The following ME2 variants were observed in gnomAD, a reference collection of about 807,000 sequenced individuals.
The protein encoded by ME2 is NAD-dependent malic enzyme, mitochondrial.
ME2 carries 60 observed loss-of-function variants against 73.7 expected under a neutral mutation model. The observed-to-expected ratio is 0.81, with a 90% CI of 0.66 to 1.01. The LOEUF (loss-of-function observed/expected upper bound fraction) is 1.01. Among genes scored for constraint, ME2 ranks in the 50% least tolerant of loss-of-function variants. ME2 has a pLI of 0.00. For missense variants in ME2, 594 were observed against 705.5 expected (o/e 0.84, Z 1.79); for synonymous variants, 199 against 236.9 (o/e 0.84, Z 1.47).
chr18:50,888,715 T>C (rs1195838823), intron 1 of ME2, among the ~76,000 whole-genome samples: 3 of 152,206 alleles, frequency 2.0e-5, no homozygotes, highest in African/African-American at 7.2e-5. Context: ...ATATGATACA[T>C]ACTCTAATGC....
At chr18:50,912,320 A>C (rs546602070) in intron 3 of ME2, among the ~76,000 whole-genome samples, 7 of 152,276 alleles carry the variant, frequency 4.6e-5, no homozygotes, top group Admixed American at 4.6e-4. Flanking sequence ...ACCTTATAAT[A>C]CTTCTAACGC....
intron 13 of ME2, chr18:50,939,100 A>T (rs1222750250): frequency 6.6e-6 from 1 of 151,750 alleles, no homozygotes; most frequent in South Asian, 2.1e-4. Flanking sequence ...CAAAACAGAA[A>T]ATGCAAGATC....
chr18:50,943,289 A>G (rs559509382), intron 15 of ME2, among the ~76,000 whole-genome samples: 120 of 150,248 alleles, frequency 8.0e-4, no homozygotes, highest in African/African-American at 2.7e-3. Context: ...TGACTATTAA[A>G]TTTATTTATT....
chr18:50,920,907 A>G (rs1917410446), intron 9 of ME2, 149 bp downstream of exon 9: 1 of 745,450 alleles, frequency 1.3e-6, no homozygotes, highest in African/African-American at 1.8e-5. Context: ...GCTGTAAAAC[A>G]TGTAATTTAA....
Position 50,920,981 on chromosome 18 carries a change from A to G in ME2, c.943-93A>G, listed in dbSNP as rs575305341. ...GATTTGTAAGGGAAAAATAAACCAA[A>G]TATTTCTTATGGCATATAATCTTCA... is the stretch of plus-strand genomic sequence containing the variant. On this transcript the variant is annotated intron_variant, in intron 9 of 15. Transcript: ENST00000321341. 158 of 721,146 alleles carry G rather than the reference A, an allele frequency of 2.2e-4. 2 individuals are homozygous for G. In the African/African-American group the frequency reaches 2.7e-3, roughly 13 times the overall value. The allele number at this position is 721,146 out of a possible 1,614,324, so 44.7% of individuals were successfully genotyped here. A position where few individuals can be genotyped will look rare whatever the true frequency, so the allele number is the denominator to read the frequency against.
At chr18:50,893,313 A>G (rs1368996583) in intron 1 of ME2, among the ~76,000 whole-genome samples, 1 of 152,058 alleles carries the variant, frequency 6.6e-6, no homozygotes, top group Non-Finnish European at 1.5e-5. Flanking sequence ...AAACCTGAAC[A>G]CTTACTTTTC....
chr18:50,910,968 C>CA (rs1421975588), intron 3 of ME2, among the ~76,000 whole-genome samples: 1 of 152,168 alleles, frequency 6.6e-6, no homozygotes, highest in Non-Finnish European at 1.5e-5. Context: ...GTGAGGGCAT[C>CA]ATATGGCTAC....
chr18:50,884,291 C>T (rs1010439069), intron 1 of ME2, among the ~76,000 whole-genome samples: 1 of 152,016 alleles, frequency 6.6e-6, no homozygotes, highest in Non-Finnish European at 1.5e-5. Flanking sequence ...TCACAGTTTT[C>T]TATGAGGTAG....
chr18:50,898,655 A>G (rs1243743090), intron 2 of ME2, among the ~76,000 whole-genome samples: 1 of 151,516 alleles, frequency 6.6e-6, no homozygotes, highest in African/African-American at 2.4e-5. Flanking sequence ...CTGGTTTTGA[A>G]CTCCTGGGCT....
intron 8 of ME2, 27 bp downstream of exon 8, chr18:50,920,592 G>T: frequency 6.4e-7 from 1 of 1,568,312 alleles, no homozygotes; most frequent in African/African-American, 1.4e-5. Flanking sequence ...TCAGGGTTTT[G>T]ATTCCTACTT....
chr18:50,927,810 ATTTTT>A (rs545334028), intron 12 of ME2, among the ~76,000 whole-genome samples: 2 of 73,090 alleles, frequency 2.7e-5, no homozygotes, highest in South Asian at 1.2e-3. Context: ...TTGTCATTTA[ATTTTT>A]TTTTTTTTTT....
chr18:50,941,554 TAG>T (rs1917961238), intron 15 of ME2, among the ~76,000 whole-genome samples: 7 of 151,116 alleles, frequency 4.6e-5, no homozygotes, highest in Admixed American at 2.6e-4. Flanking sequence ...TTTGTATTTT[TAG>T]TAGAGACGGG....
intron 13 of ME2, among the ~76,000 whole-genome samples, chr18:50,936,804 G>T (rs1335563910): frequency 6.6e-6 from 1 of 152,030 alleles, no homozygotes; most frequent in African/African-American, 2.4e-5. Context: ...GGTGACATGT[G>T]CCTGTAGTCC....
chr18:50,889,295 T>C (rs1456617534), intron 1 of ME2, among the ~76,000 whole-genome samples: 1 of 152,062 alleles, frequency 6.6e-6, no homozygotes, highest in Non-Finnish European at 1.5e-5. Context: ...GATTAGAGGG[T>C]TAGAACTTTC....
In ME2 at chr18:50,946,196, A is replaced by T. The variant is rs80120417; in HGVS notation, c.1588-821A>T. 3.9e-3 allele frequency among the ~76,000 whole-genome samples: 598 copies of T among 152,304 alleles called. 9 individuals carry two copies. In the East Asian group the frequency reaches 0.055, roughly 14 times the overall value. On this transcript the variant is annotated intron_variant, in intron 15 of 15. Coordinates refer to ENST00000321341, the MANE Select transcript of ME2 (RefSeq NM_002396.5). ...GAGGTGCTGTGCTACCCTGTGAGGAAGTGTTTCACATTCCTCATTTTATAT... is the reference window on the plus strand; with the variant it reads ...GAGGTGCTGTGCTACCCTGTGAGGATGTGTTTCACATTCCTCATTTTATAT...
chr18:50,937,893 A>G lies in ME2; in HGVS notation c.1418-1677A>G, dbSNP rs553900331. Among the ~76,000 whole-genome samples the G allele has an allele frequency of 3.9e-5, 6 of 152,324 alleles. No individual in the cohort carries two copies. The South Asian group carries it at 1.2e-3, about 32-fold the overall frequency. Reference sequence around the variant, plus strand: ...GAAAAATGGAGGGAAGTGAATCCTCAAGACTTCATGAACATTTCCCAAAAC... The same window carrying G: ...GAAAAATGGAGGGAAGTGAATCCTCGAGACTTCATGAACATTTCCCAAAAC... On this transcript the variant is annotated intron_variant, in intron 13 of 15. Coordinates refer to ENST00000321341, the MANE Select transcript of ME2 (RefSeq NM_002396.5).
At chr18:50,926,409 CT>C (rs1231827951) in intron 12 of ME2, among the ~76,000 whole-genome samples, 2 of 152,062 alleles carry the variant, frequency 1.3e-5, no homozygotes, top group African/African-American at 4.8e-5. Context: ...TGTTTTCTGA[CT>C]TTTGTTTTCT....
At chr18:50,887,992 C>T (rs1916515007) in intron 1 of ME2, among the ~76,000 whole-genome samples, 2 of 152,048 alleles carry the variant, frequency 1.3e-5, no homozygotes, top group African/African-American at 4.8e-5. Flanking sequence ...GATGGAATAT[C>T]AGAAATAGAT....
rs1368084652 is a variant in ME2 at position 50,940,345 on chromosome 18, C to T, written c.1546C>T (p.Leu516Phe). The T allele has an allele frequency of 1.2e-6, 2 of 1,611,410 alleles. No individual in the cohort carries two copies. The highest frequency in any genetic ancestry group is 2.2e-5 in the South Asian group (2 of 90,142). Residue 516 changes from leucine to phenylalanine, a missense_variant, in exon 15 of 16, where the codon CTT becomes TTT. Transcript: ENST00000321341. ...AGCCCAAGGGAGACTTTACCCACCG[C>T]TTGCTAATATTCAGGAAGTTTCTAT... ...ELAQGRLYPP[L>F]ANIQEVSINI... is the part of the protein sequence containing the mutation.
Sources: gnomAD v4.1 joint callset for allele counts (sites outside exome capture counted in the v4.1 genomes callset) on GRCh38, gnomAD v4.1.1 for gene constraint, MANE v1.5 for transcripts, NCBI Gene and HGNC (gene_info 2026-07-23, HGNC 2026-07-21) for gene names.